Variants in GRM5 observed in about 807,000 individuals in gnomAD.
GRM5 encodes metabotropic glutamate receptor 5.
In GRM5, 19 loss-of-function variants were observed where a neutral mutation model predicts 83.1. That is an observed-to-expected ratio of 0.23 (90% CI 0.16 to 0.34). The LOEUF is 0.34. Among genes scored for constraint, GRM5 ranks in the 10% least tolerant of loss-of-function variants. The pLI is 1.00. For synonymous variants in GRM5, 675 were observed against 633.6 expected (o/e 1.07, Z -0.98); for missense variants, 1,160 against 1,588.3 (o/e 0.73, Z 4.58).
intron 4 of GRM5, among the ~76,000 whole-genome samples, chr11:88,615,491 C>T (rs915217040): frequency 2.0e-5 from 3 of 152,086 alleles, no homozygotes; most frequent in Admixed American, 2.0e-4. Flanking sequence ...CCTTCTTCCT[C>T]CACCAGAGAA....
intron 1 of GRM5, among the ~76,000 whole-genome samples, chr11:89,060,898 T>G (rs1444032503): frequency 6.6e-6 from 1 of 152,178 alleles, no homozygotes; most frequent in East Asian, 1.9e-4. Flanking sequence ...CTTTTGATGC[T>G]CATGTCTTCT....
intron 2 of GRM5, among the ~76,000 whole-genome samples, chr11:88,969,521 C>T (rs1294820601): frequency 6.6e-6 from 1 of 151,990 alleles, no homozygotes; most frequent in African/African-American, 2.4e-5. Context: ...AGAAAATGCT[C>T]CTGGGTACTA....
intron 3 of GRM5, among the ~76,000 whole-genome samples, chr11:88,778,326 G>T (rs1942902193): frequency 6.6e-6 from 1 of 152,228 alleles, no homozygotes. Context: ...CAGTATTTTG[G>T]CAGGAGTGTC....
intron 2 of GRM5, among the ~76,000 whole-genome samples, chr11:88,987,439 G>A (rs1004064125): frequency 7.3e-5 from 11 of 151,480 alleles, no homozygotes; most frequent in Non-Finnish European, 1.5e-4. Context: ...GGGGAGGGGC[G>A]CCCGCCATTG....
chr11:88,678,164 T>C (rs983660135), intron 3 of GRM5, among the ~76,000 whole-genome samples: 4 of 151,988 alleles, frequency 2.6e-5, no homozygotes, highest in Non-Finnish European at 5.9e-5. Context: ...CCTTAAGTGA[T>C]TCTCCCATTG....
At chr11:88,984,889 A>G in intron 2 of GRM5, 1 of 653,390 alleles carries the variant, frequency 1.5e-6, no homozygotes, top group Non-Finnish European at 2.8e-6. Context: ...CAAATCATGA[A>G]AATAAATTTT....
At chr11:88,906,496 T>C (rs1365645901) in intron 2 of GRM5, among the ~76,000 whole-genome samples, 1 of 152,184 alleles carries the variant, frequency 6.6e-6, no homozygotes, top group East Asian at 1.9e-4. Flanking sequence ...AAGCCCTGGA[T>C]TATTTTTGTC....
intron 2 of GRM5, among the ~76,000 whole-genome samples, chr11:88,920,595 C>G (rs1336044840): frequency 2.6e-5 from 4 of 152,070 alleles, no homozygotes; most frequent in African/African-American, 9.7e-5. Flanking sequence ...CCAGTAATAT[C>G]CTGATACCAA....
At chr11:88,514,240 A>G (rs1272526666) in intron 9 of GRM5, among the ~76,000 whole-genome samples, 1 of 152,194 alleles carries the variant, frequency 6.6e-6, no homozygotes, top group Non-Finnish European at 1.5e-5. Flanking sequence ...TATTTCTGAA[A>G]AACAAAAAGC....
At chr11:88,712,653 G>A (rs1437872780) in intron 3 of GRM5, among the ~76,000 whole-genome samples, 1 of 151,928 alleles carries the variant, frequency 6.6e-6, no homozygotes, top group Non-Finnish European at 1.5e-5. Flanking sequence ...GTAGTTTGAT[G>A]CCCATAAAAC....
In GRM5 at chr11:88,906,202, C is replaced by G. The variant is rs141649541; in HGVS notation, c.662-56047G>C. On this transcript the variant is annotated intron_variant, in intron 2 of 9. Coordinates refer to ENST00000305447, the MANE Select transcript of GRM5 (RefSeq NM_001143831.3). ...TTTATGGTTACTGGCTTCTTAATTT[C>G]ATCTACTCTTGTTTCTGTCACTGGG... Among the ~76,000 whole-genome samples, 1,252 of 152,244 alleles carry G rather than the reference C, an allele frequency of 8.2e-3. 14 individuals carry two copies. The highest frequency in any genetic ancestry group is 0.029 in the African/African-American group (1,195 of 41,544).
At chr11:89,009,712 C>T (rs1162218218) in intron 2 of GRM5, among the ~76,000 whole-genome samples, 93 of 146,166 alleles carry the variant, frequency 6.4e-4, no homozygotes, top group East Asian at 2.1e-3. Flanking sequence ...CTGGCTAACA[C>T]GGTGAAACCC....
chr11:88,764,742 T>C (rs558461687), intron 3 of GRM5, among the ~76,000 whole-genome samples: 9 of 151,602 alleles, frequency 5.9e-5, no homozygotes, highest in Non-Finnish European at 1.3e-4. Flanking sequence ...TAAACACTTA[T>C]ATTAAAAAAT....
intron 2 of GRM5, among the ~76,000 whole-genome samples, chr11:88,970,685 G>T (rs1381840465): frequency 6.6e-6 from 1 of 152,174 alleles, no homozygotes; most frequent in Non-Finnish European, 1.5e-5. Context: ...TTGGTATGAT[G>T]AGTGTCACAT....
intron 6 of GRM5, among the ~76,000 whole-genome samples, chr11:88,593,189 G>A (rs939157247): frequency 2.6e-5 from 4 of 152,090 alleles, no homozygotes; most frequent in African/African-American, 9.7e-5. Context: ...TCCTTTCATG[G>A]AAACTAAGTT....
intron 2 of GRM5, among the ~76,000 whole-genome samples, chr11:88,853,957 C>T (rs1944428120): frequency 6.6e-6 from 1 of 151,106 alleles, no homozygotes; most frequent in Non-Finnish European, 1.5e-5. Context: ...CCCCTGGCTA[C>T]CTTTCCAGCT....
intron 3 of GRM5, among the ~76,000 whole-genome samples, chr11:88,681,241 C>G (rs1489034518): frequency 6.6e-6 from 1 of 152,064 alleles, no homozygotes; most frequent in Admixed American, 6.6e-5. Flanking sequence ...TTATATTTCT[C>G]TCTTTCTGTT....
chr11:88,849,312 C>T (rs1944351332), intron 3 of GRM5, among the ~76,000 whole-genome samples: 1 of 152,054 alleles, frequency 6.6e-6, no homozygotes, highest in Non-Finnish European at 1.5e-5. Flanking sequence ...TCAGCCACAA[C>T]AACAGGGAAT....
chr11:88,895,679 C>T (rs1427182388), intron 2 of GRM5, among the ~76,000 whole-genome samples: 2 of 152,024 alleles, frequency 1.3e-5, no homozygotes, highest in African/African-American at 4.8e-5. Flanking sequence ...GGTTTCTTAA[C>T]ATCTATGCTA....
Sources: allele counts gnomAD v4.1 joint callset (sites outside exome capture counted in the v4.1 genomes callset), GRCh38; gene constraint gnomAD v4.1.1; transcripts MANE v1.5; gene names NCBI Gene and HGNC (gene_info 2026-07-23, HGNC 2026-07-21).